DAB1: variants seen among roughly 807,000 people sequenced by gnomAD.
DAB1 encodes DAB adaptor protein 1.
DAB1 carries 15 observed loss-of-function variants against 64.6 expected under a neutral mutation model. That is an observed-to-expected ratio of 0.23 (90% CI 0.16 to 0.36). DAB1 has a LOEUF of 0.36. Ranked by LOEUF, DAB1 falls within the 10% of genes least tolerant of loss-of-function variation. The pLI is 1.00. For missense variants in DAB1, 596 were observed against 706.7 expected (o/e 0.84, Z 1.78); for synonymous variants, 235 against 251.9 (o/e 0.93, Z 0.64).
At chr1:57,314,854 A>C (rs530200955) in intron 1 of DAB1, among the ~76,000 whole-genome samples, 13 of 152,204 alleles carry the variant, frequency 8.5e-5, no homozygotes, top group South Asian at 6.2e-4. Flanking sequence ...GAAGGGAAGG[A>C]GGCAAGGAAG....
chr1:57,800,240 C>T (rs1651062043), intron 6 of DAB1, among the ~76,000 whole-genome samples: 1 of 152,158 alleles, frequency 6.6e-6, no homozygotes, highest in African/African-American at 2.4e-5. Flanking sequence ...CAAAATGAAA[C>T]ATGGTGGGGA....
chr1:57,469,198 G>A (rs939463492), intron 7 of DAB1, among the ~76,000 whole-genome samples: 11 of 152,272 alleles, frequency 7.2e-5, no homozygotes, highest in Admixed American at 2.0e-4. Context: ...CTGTTTCCTC[G>A]TTTGTAAATG....
At chr1:58,006,074 T>TC (rs1646578423) in intron 5 of DAB1, among the ~76,000 whole-genome samples, 1 of 152,196 alleles carries the variant, frequency 6.6e-6, no homozygotes, top group African/African-American at 2.4e-5. Context: ...ATCTATTTTT[T>TC]CACTCAACTT....
intron 5 of DAB1, among the ~76,000 whole-genome samples, chr1:58,085,512 T>C (rs879434766): frequency 2.6e-5 from 4 of 151,986 alleles, no homozygotes; most frequent in African/African-American, 4.8e-5. Context: ...ACTATAGGCA[T>C]GTACTATCAT....
chr1:57,665,530 A>G (rs557906518), intron 6 of DAB1, among the ~76,000 whole-genome samples: 2 of 152,260 alleles, frequency 1.3e-5, no homozygotes, highest in Non-Finnish European at 2.9e-5. Flanking sequence ...ATCTCTAAAT[A>G]CAGAATCCAT....
chr1:57,634,721 A>G (rs1646030651), intron 7 of DAB1, among the ~76,000 whole-genome samples: 1 of 152,246 alleles, frequency 6.6e-6, no homozygotes, highest in African/African-American at 2.4e-5. Flanking sequence ...TTGTAAACAA[A>G]AAGGTATAAT....
chr1:57,717,973 A>C lies in DAB1; in HGVS notation n.552-68308T>G, dbSNP rs146005432. On this transcript the variant is annotated intron_variant and non_coding_transcript_variant, in intron 6 of 20. Transcript: ENST00000485760. ...TAGTGGGGAGGGTGTAGTGGAGACC[A>C]GGAGAGATTGCTCAAGGGTACAAAT... 9.9e-4 allele frequency among the ~76,000 whole-genome samples: 150 copies of C among 152,260 alleles called. 1 individual carries two copies. The highest frequency in any genetic ancestry group is 3.5e-3 in the African/African-American group (145 of 41,560).
intron 7 of DAB1, among the ~76,000 whole-genome samples, chr1:57,606,410 A>G (rs1360758462): frequency 7.6e-6 from 1 of 131,460 alleles, no homozygotes; most frequent in Non-Finnish European, 1.6e-5. Context: ...TATTATATAT[A>G]TGATATATAT....
chr1:57,821,904 A>T (rs1652138310), downstream of DAB1, among the ~76,000 whole-genome samples: 1 of 152,226 alleles, frequency 6.6e-6, no homozygotes, highest in Non-Finnish European at 1.5e-5. Context: ...GGACTTAATT[A>T]ATAACTATGA....
rs187303608 is a variant in DAB1 at position 57,132,451 on chromosome 1, G to T, written c.306+4092C>A. Among the ~76,000 whole-genome samples the T allele has an allele frequency of 5.5e-4, 83 of 152,212 alleles. 2 individuals are homozygous for T. In the East Asian group the frequency reaches 0.011, roughly 21 times the overall value. The stretch of plus-strand genomic sequence containing the variant: ...GAAACACAGGGCTGCACATGGCATA[G>T]AGTAGGGATCTAATATGTTACAAGT... On this transcript the variant is annotated intron_variant, in intron 4 of 14. Transcript: ENST00000371236.
intron 2 of DAB1, among the ~76,000 whole-genome samples, chr1:58,518,747 A>G (rs756048957): frequency 6.6e-6 from 1 of 152,142 alleles, no homozygotes; most frequent in Non-Finnish European, 1.5e-5. Flanking sequence ...GAAATTAAGA[A>G]TTTAATATTG....
Position 57,480,888 on chromosome 1 carries a change from C to T in DAB1, n.625+168704G>A, listed in dbSNP as rs188033870. On this transcript the variant is annotated intron_variant and non_coding_transcript_variant, in intron 7 of 20. Transcript: ENST00000485760. ...GCTCAGAGAAGTTGTGACTAAAGCC[C>T]GCCCTCTTCCCATTCAAGCTCACTG... is the stretch of plus-strand genomic sequence containing the variant. 2.0e-4 allele frequency among the ~76,000 whole-genome samples: 30 copies of T among 151,922 alleles called. No homozygotes were observed. The East Asian group carries it at 2.9e-3, about 15-fold the overall frequency.
At chr1:57,132,316 T>G (rs1334767785) in intron 4 of DAB1, among the ~76,000 whole-genome samples, 1 of 152,048 alleles carries the variant, frequency 6.6e-6, no homozygotes, top group Non-Finnish European at 1.5e-5. Flanking sequence ...GAGGTGAGAG[T>G]ATCCCAGTAT....
At chr1:57,703,424 A>T (rs1334455998) in intron 6 of DAB1, among the ~76,000 whole-genome samples, 1 of 152,218 alleles carries the variant, frequency 6.6e-6, no homozygotes, top group Admixed American at 6.6e-5. Context: ...TCCAACAATC[A>T]TGTGGAAAGA....
intron 3 of DAB1, among the ~76,000 whole-genome samples, chr1:58,485,147 A>T (rs1488789977): frequency 6.7e-6 from 1 of 148,742 alleles, no homozygotes; most frequent in Non-Finnish European, 1.5e-5. Flanking sequence ...ATGCGGGGAC[A>T]GATGTATAAG....
Position 57,891,144 on chromosome 1 carries a change from C to T in DAB1, n.388-6982G>A, listed in dbSNP as rs926744580. Among the ~76,000 whole-genome samples, 4 of 152,122 alleles carry T rather than the reference C, an allele frequency of 2.6e-5. No individual in the cohort carries two copies. The East Asian group carries it at 7.7e-4, about 29-fold the overall frequency. On this transcript the variant is annotated intron_variant and non_coding_transcript_variant, in intron 5 of 20. Coordinates refer to the DAB1 transcript ENST00000485760. Reference sequence around the variant, plus strand: ...ACAAAGGGCTAATATCCAGAATCTACAAAGAACTCAAATTTACAAGAAAAA... The same window carrying T: ...ACAAAGGGCTAATATCCAGAATCTATAAAGAACTCAAATTTACAAGAAAAA...
intron 1 of DAB1, among the ~76,000 whole-genome samples, chr1:57,845,403 A>C (rs1408841894): frequency 1.3e-5 from 2 of 152,196 alleles, no homozygotes; most frequent in Admixed American, 6.5e-5. Flanking sequence ...TCAGTCTTGT[A>C]TCCAATTTCT....
chr1:58,487,262 G>A (rs975960980), intron 3 of DAB1, among the ~76,000 whole-genome samples: 3 of 152,184 alleles, frequency 2.0e-5, no homozygotes, highest in African/African-American at 7.2e-5. Flanking sequence ...CAGAAGTGAA[G>A]GAAAGAGGAA....
rs147562724 is a variant in DAB1 at position 58,481,053 on chromosome 1, G to T, written n.257+25007C>A. 4.6e-6 allele frequency: 4 copies of T among 871,426 alleles called. No homozygotes were observed. In the Admixed American group the frequency reaches 5.1e-5, roughly 11 times the overall value. 54.0% of individuals were successfully genotyped at this position (871,426 alleles called of 1,614,324 possible). On this transcript the variant is annotated intron_variant and non_coding_transcript_variant, in intron 3 of 20. Coordinates refer to the DAB1 transcript ENST00000485760. ...AAGAGTATCCATTTTCTGTTTCTTC[G>T]TGATATTTAGGTCTTCTTTCTCTGA...
Sources: allele counts gnomAD v4.1 joint callset (sites outside exome capture counted in the v4.1 genomes callset), GRCh38; gene constraint gnomAD v4.1.1; transcripts MANE v1.5; gene names NCBI Gene and HGNC (gene_info 2026-07-23, HGNC 2026-07-21).